The following KCNQ5 variants were observed in gnomAD, a reference collection of about 807,000 sequenced individuals.
The protein encoded by KCNQ5 is potassium voltage-gated channel subfamily KQT member 5.
KCNQ5 carries 30 observed loss-of-function variants against 98.2 expected under a neutral mutation model. The observed-to-expected ratio is 0.31, with a 90% CI of 0.23 to 0.41. The LOEUF (loss-of-function observed/expected upper bound fraction) is 0.41, where lower values mean the gene tolerates loss of function less well. KCNQ5 is among the 10% of genes least tolerant of loss of function. The pLI is 1.00. For synonymous variants in KCNQ5, 458 were observed against 449.4 expected, an observed-to-expected ratio of 1.02 and a Z score of -0.24; for missense variants, 835 against 1,182.5, an observed-to-expected ratio of 0.71 and a Z score of 4.31.
intron 1 of KCNQ5, among the ~76,000 whole-genome samples, chr6:72,920,572 A>C (rs1221935483): frequency 6.6e-6 from 1 of 152,166 alleles, no homozygotes; most frequent in Non-Finnish European, 1.5e-5. Flanking sequence ...GTTATTTCAG[A>C]ATCAGGAAAC....
At chr6:72,971,633 A>G (rs151331481) in intron 1 of KCNQ5, among the ~76,000 whole-genome samples, 37 of 152,342 alleles carry the variant, frequency 2.4e-4, no homozygotes, top group South Asian at 8.3e-4. Context: ...TGTGGCACAT[A>G]TACACCATGG....
At chr6:73,120,668 T>A in intron 8 of KCNQ5, 91 bp downstream of exon 8, 1 of 752,374 alleles carries the variant, frequency 1.3e-6, no homozygotes, top group Non-Finnish European at 2.1e-6. Context: ...AAGGTGTTAA[T>A]GTTTGGCTTC....
chr6:72,895,792 A>G (rs1779231154), intron 1 of KCNQ5, among the ~76,000 whole-genome samples: 1 of 151,714 alleles, frequency 6.6e-6, no homozygotes, highest in Non-Finnish European at 1.5e-5. Context: ...TTTTTAAAGA[A>G]TGGAAAAAGG....
chr6:73,088,567 G>T (rs1468026611), intron 5 of KCNQ5, among the ~76,000 whole-genome samples: 1 of 152,010 alleles, frequency 6.6e-6, no homozygotes, highest in Non-Finnish European at 1.5e-5. Flanking sequence ...TCTCAGTTAT[G>T]CACATAGCTT....
chr6:72,888,276 G>A (rs867469795), intron 1 of KCNQ5, among the ~76,000 whole-genome samples: 2 of 152,064 alleles, frequency 1.3e-5, no homozygotes, highest in South Asian at 2.1e-4. Context: ...TCAAAGATGC[G>A]GAAGTTGGCA....
At chr6:72,872,863 A>G (rs1336579522) in intron 1 of KCNQ5, among the ~76,000 whole-genome samples, 1 of 152,108 alleles carries the variant, frequency 6.6e-6, no homozygotes, top group Non-Finnish European at 1.5e-5. Flanking sequence ...TGATGTCCGT[A>G]TTTTACATTA....
At chr6:72,649,632 G>C (rs1023385455) in intron 1 of KCNQ5, among the ~76,000 whole-genome samples, 1 of 152,066 alleles carries the variant, frequency 6.6e-6, no homozygotes, top group Non-Finnish European at 1.5e-5. Context: ...GTTTTGTAAT[G>C]GTTCTTGAAT....
intron 1 of KCNQ5, among the ~76,000 whole-genome samples, chr6:72,674,909 A>G (rs1767331659): frequency 6.6e-6 from 1 of 152,232 alleles, no homozygotes; most frequent in Admixed American, 6.5e-5. Context: ...CTATTTTATT[A>G]TTCAGTGAAT....
rs188427092 is a variant in KCNQ5, at chr6:73,011,186, C to G, written c.489+7188C>G. Among the ~76,000 whole-genome samples, 3 of 152,106 alleles carry G rather than the reference C, an allele frequency of 2.0e-5. No individual in the cohort carries two copies. The East Asian group carries it at 5.8e-4, about 29-fold the overall frequency. On this transcript the variant is annotated intron_variant, in intron 2 of 13. Coordinates refer to ENST00000370398, the MANE Select transcript of KCNQ5 (RefSeq NM_019842.4). ...TAACATTATGAATGTATTTAAGCTA[C>G]AGTAATCAATCATGATGTAGTTTCC... is the stretch of plus-strand genomic sequence containing the variant.
chr6:72,965,526 A>C (rs2150275035), intron 1 of KCNQ5, among the ~76,000 whole-genome samples: 1 of 152,164 alleles, frequency 6.6e-6, no homozygotes, highest in Middle Eastern at 3.4e-3. Flanking sequence ...CCTAGAAGCC[A>C]TTTTCTCAAC....
intron 1 of KCNQ5, among the ~76,000 whole-genome samples, chr6:72,659,816 C>T (rs1766415318): frequency 1.3e-5 from 2 of 152,286 alleles, no homozygotes; most frequent in South Asian, 4.2e-4. Context: ...AACATAACAT[C>T]CCCTCGGTCC....
chr6:72,829,614 T>A (rs1345995205), intron 1 of KCNQ5, among the ~76,000 whole-genome samples: 1 of 152,212 alleles, frequency 6.6e-6, no homozygotes, highest in Non-Finnish European at 1.5e-5. Context: ...ATAAGACATG[T>A]GCCCAAAATG....
At chr6:72,713,078 G>C (rs1443652780) in intron 1 of KCNQ5, among the ~76,000 whole-genome samples, 4 of 152,128 alleles carry the variant, frequency 2.6e-5, no homozygotes, top group Non-Finnish European at 5.9e-5. Flanking sequence ...AAGTCGCACG[G>C]CAGGAGGTAG....
chr6:72,854,204 T>TAGTTTGCTTAGTAGAAA (rs1318437406), intron 1 of KCNQ5, among the ~76,000 whole-genome samples: 1 of 152,224 alleles, frequency 6.6e-6, no homozygotes, highest in Non-Finnish European at 1.5e-5. Flanking sequence ...AGCATGCTTT[T>TAGTTTGCTTAGTAGAAA]AGTTTGCTTA....
At position 72,622,685 on chromosome 6, in the gene KCNQ5, C is replaced by T. The variant is rs1460792895; in HGVS notation, c.398+98C>T. The stretch of plus-strand genomic sequence containing the variant: ...GCTCGCGCCCTTGGGCCCCCGCGCG[C>T]GTGCACACGTGGTGGCTTTTATTTC... On this transcript the variant is annotated intron_variant, in intron 1 of 13. Transcript: ENST00000370398. The surrounding 1 kb of genome is among the most constrained non-coding windows in gnomAD (Gnocchi z 6.0). 16 of 1,338,840 alleles carry T rather than the reference C, an allele frequency of 1.2e-5. No homozygotes were observed. The East Asian group carries it at 1.3e-4, about 11-fold the overall frequency. 82.9% of individuals were successfully genotyped at this position (1,338,840 alleles called of 1,614,324 possible). A position where few individuals can be genotyped will look rare whatever the true frequency, so the allele number is the denominator to read the frequency against.
chr6:72,998,355 T>C (rs1259067479), intron 1 of KCNQ5, among the ~76,000 whole-genome samples: 1 of 152,242 alleles, frequency 6.6e-6, no homozygotes, highest in Admixed American at 6.5e-5. Flanking sequence ...CTTTGGAAGT[T>C]ATTTCTGAAG....
At chr6:73,051,420 C>T (rs1424592550) in intron 3 of KCNQ5, among the ~76,000 whole-genome samples, 1 of 152,184 alleles carries the variant, frequency 6.6e-6, no homozygotes, top group Non-Finnish European at 1.5e-5. Flanking sequence ...GAGCACAGAT[C>T]CTGCTGCCAC....
intron 1 of KCNQ5, among the ~76,000 whole-genome samples, chr6:72,684,658 C>T (rs1767863735): frequency 1.3e-5 from 2 of 152,086 alleles, no homozygotes; most frequent in Non-Finnish European, 2.9e-5. Flanking sequence ...TTGGAATGGG[C>T]CTTTGCATAT....
At chr6:72,623,389 A>AGTGT (rs1485468754) in intron 1 of KCNQ5, among the ~76,000 whole-genome samples, 1 of 37,242 alleles carries the variant, frequency 2.7e-5, no homozygotes, top group Non-Finnish European at 4.8e-5. Flanking sequence ...GCGGAGTCAA[A>AGTGT]GAGTGTGTGT....
Sources: gnomAD v4.1 joint callset for allele counts (sites outside exome capture counted in the v4.1 genomes callset) on GRCh38, gnomAD v4.1.1 for gene constraint, Gnocchi (gnomAD v3.1) non-coding constraint, MANE v1.5 for transcripts, NCBI Gene and HGNC (gene_info 2026-07-23, HGNC 2026-07-21) for gene names.